Variants in SQOR observed in about 807,000 individuals in gnomAD.
The protein encoded by SQOR is sulfide:quinone oxidoreductase, mitochondrial.
Under a neutral mutation model 48.6 loss-of-function variants are expected in SQOR, and 39 were observed. That is an observed-to-expected ratio of 0.80 (90% CI 0.62 to 1.05). The LOEUF (loss-of-function observed/expected upper bound fraction) is 1.05, where lower values mean the gene tolerates loss of function less well. SQOR is among the 50% of genes least tolerant of loss of function. The pLI is 0.00. For synonymous variants in SQOR, 220 were observed against 206.2 expected (o/e 1.07, Z -0.57); for missense variants, 561 against 559.9 (o/e 1.00, Z -0.02).
At chr15:45,675,367 G>A (rs948445651) in intron 5 of SQOR, among the ~76,000 whole-genome samples, 2 of 151,812 alleles carry the variant, frequency 1.3e-5, no homozygotes, top group East Asian at 3.9e-4. Flanking sequence ...TAGGAACTCA[G>A]GGTTTTGTTG....
Position 45,691,127 on chromosome 15 carries a change from T to C in SQOR, c.*97T>C. ...GCACGAAGGACTTGGAACCTATCCT[T>C]GTAAAGAGTTCCTTGATGGGTAATG... On this transcript the variant is annotated 3_prime_UTR_variant, in exon 10 of 10. Transcript: ENST00000260324. 1 of 1,078,458 alleles carries C rather than the reference T, an allele frequency of 9.3e-7. No individual in the cohort carries two copies. The highest frequency in any genetic ancestry group is 1.3e-5 in the South Asian group (1 of 79,950). The allele number at this position is 1,078,458 out of a possible 1,614,324, so 66.8% of individuals were successfully genotyped here. A position where few individuals can be genotyped will look rare whatever the true frequency, so the allele number is the denominator to read the frequency against.
intron 1 of SQOR, 109 bp from the exon 2 acceptor site, chr15:45,658,798 C>G: frequency 1.2e-6 from 1 of 849,380 alleles, no homozygotes. Flanking sequence ...ATGATGGGGA[C>G]CAGCTGGAGC....
In SQOR at chr15:45,659,153, G is replaced by C; in HGVS notation, c.230G>C (p.Ser77Thr). The change falls in exon 2 of 10, where the codon AGT (serine) becomes ACT (threonine). Residue 77 changes from serine (S) to threonine (T), a missense_variant. Coordinates refer to ENST00000260324, the MANE Select transcript of SQOR (RefSeq NM_021199.4). ...GAGAATGTGGCCATTGTTGAGCCCAGTGAGGTAAGCCTCCCCTTTTGAGGG... is the reference window on the plus strand; with the variant it reads ...GAGAATGTGGCCATTGTTGAGCCCACTGAGGTAAGCCTCCCCTTTTGAGGG... ...GAENVAIVEPSERHFYQPIWT... is the reference protein window; with the variant it reads ...GAENVAIVEPTERHFYQPIWT... 1 of 1,525,890 alleles carries C rather than the reference G, an allele frequency of 6.6e-7. No individual in the cohort carries two copies. Among genetic ancestry groups the C allele is most frequent in the Non-Finnish European group, 8.9e-7 (1 of 1,129,472 alleles). 94.5% of individuals were successfully genotyped at this position (1,525,890 alleles called of 1,614,324 possible).
At chr15:45,635,362 G>C (rs968756172) in intron 1 of SQOR, among the ~76,000 whole-genome samples, 2 of 152,242 alleles carry the variant, frequency 1.3e-5, no homozygotes, top group Non-Finnish European at 2.9e-5. Flanking sequence ...GGGCCGCGGA[G>C]AGGCCAACCC....
In SQOR at chr15:45,669,167, A is replaced by AT. The variant is rs1001025572; in HGVS notation, c.406-752dup. Among the ~76,000 whole-genome samples the AT allele has an allele frequency of 1.2e-4, 17 of 142,126 alleles. No homozygotes were observed. The South Asian group carries it at 2.0e-3, about 17-fold the overall frequency. 93.2% of individuals were successfully genotyped at this position (142,126 alleles called of 152,430 possible). A position where few individuals can be genotyped will look rare whatever the true frequency, so the allele number is the denominator to read the frequency against. ...TATATTTTTTATATATATATTTTTT[A>AT]TTTTTTTTTAATTTTTTTTTGAGAC... On this transcript the variant is annotated intron_variant, in intron 3 of 9. Coordinates refer to ENST00000260324, the MANE Select transcript of SQOR (RefSeq NM_021199.4).
At position 45,659,137 on chromosome 15, in the gene SQOR, G is replaced by GT; in HGVS notation, c.214_215insT (p.Ala72ValfsTer4). 1 of 1,551,598 alleles carries GT rather than the reference G, an allele frequency of 6.4e-7. No individual in the cohort carries two copies. The highest frequency in any genetic ancestry group is 1.2e-5 in the South Asian group (1 of 82,578). ...GAGGAAAGTGGGTGCAGAGAATGTG[G>GT]CCATTGTTGAGCCCAGTGAGGTAAG... is the stretch of plus-strand genomic sequence containing the variant. On this transcript the variant is annotated frameshift_variant, in exon 2 of 10. Coordinates refer to ENST00000260324, the MANE Select transcript of SQOR (RefSeq NM_021199.4). LOFTEE classifies it high-confidence loss of function.
chr15:45,672,402 A>G (rs1392915907), intron 4 of SQOR, among the ~76,000 whole-genome samples: 1 of 152,186 alleles, frequency 6.6e-6, no homozygotes, highest in African/African-American at 2.4e-5. Context: ...GAGACTGCCA[A>G]TGTTACTACT....
In SQOR at chr15:45,689,214, T is replaced by C; in HGVS notation, c.1292T>C (p.Leu431Pro). 5.0e-6 allele frequency: 8 copies of C among 1,613,980 alleles called. No homozygotes were observed. The highest frequency in any genetic ancestry group is 6.8e-6 in the Non-Finnish European group (8 of 1,179,944). Residue 431 changes from leucine to proline, a missense_variant, in exon 9 of 10, where the codon CTA becomes CCA. Coordinates refer to ENST00000260324, the MANE Select transcript of SQOR (RefSeq NM_021199.4). ...CCTTTCCTGTATTGGAATATGATGCTAAGGTAAGTGCACTGCCTGGTTCCT... is the reference window on the plus strand; with the variant it reads ...CCTTTCCTGTATTGGAATATGATGCCAAGGTAAGTGCACTGCCTGGTTCCT... ...LMPFLYWNMM[L>P]RGYWGGPAFL...
Position 45,682,591 on chromosome 15 carries a change from G to A in SQOR, c.978G>A (p.Arg326=), listed in dbSNP as rs758670991. The A allele has an allele frequency of 2.6e-5, 42 of 1,614,102 alleles. 1 individual carries two copies. In the South Asian group the frequency reaches 4.3e-4, roughly 16 times the overall value. ...VDVDKETLQH[R]RYPNVFGIGD... is the part of the protein sequence containing the mutation. ...TGGATAAAGAAACTCTGCAACACAG[G>A]AGGTACCCAAATGTGTTTGGGATTG... The change falls in exon 7 of 10, where the codon AGG becomes AGA. Residue 326 remains arginine, a synonymous_variant. Transcript: ENST00000260324.
chr15:45,685,374 G>A (rs1380193978), intron 7 of SQOR, among the ~76,000 whole-genome samples: 2 of 152,100 alleles, frequency 1.3e-5, no homozygotes, highest in South Asian at 2.1e-4. Flanking sequence ...ACCCTTATGC[G>A]ATTGTGAGCG....
chr15:45,643,386 AG>A (rs1236133784), intron 1 of SQOR, among the ~76,000 whole-genome samples: 1 of 152,106 alleles, frequency 6.6e-6, no homozygotes, highest in Non-Finnish European at 1.5e-5. Flanking sequence ...TAATACAGAT[AG>A]GGTTTCACTG....
At chr15:45,688,915 A>G (rs1890270539) in intron 8 of SQOR, 124 bp from the exon 9 acceptor site, 1 of 785,976 alleles carries the variant, frequency 1.3e-6, no homozygotes, top group Admixed American at 2.6e-5. Context: ...CACAGTACAA[A>G]AAGCTAGAAT....
chr15:45,650,344 C>T (rs1398064091), intron 1 of SQOR, among the ~76,000 whole-genome samples: 3 of 152,154 alleles, frequency 2.0e-5, no homozygotes, highest in Non-Finnish European at 2.9e-5. Context: ...TTAAAGGCGG[C>T]GTGTCCGGAG....
upstream of SQOR, among the ~76,000 whole-genome samples, chr15:45,634,197 A>AATATATATATATATATATAT (rs1770075978): frequency 5.0e-5 from 1 of 19,828 alleles, no homozygotes; most frequent in Non-Finnish European, 8.8e-5. Flanking sequence ...AACAACAACA[A>AATATATATATATATATATAT]CTATATATAT....
intron 1 of SQOR, among the ~76,000 whole-genome samples, chr15:45,649,168 A>G (rs377759985): frequency 2.6e-5 from 4 of 152,260 alleles, no homozygotes; most frequent in African/African-American, 9.6e-5. Flanking sequence ...CTTGTCCAGG[A>G]AGGGCTGTAG....
chr15:45,675,267 C>T (rs2140957096), intron 5 of SQOR, among the ~76,000 whole-genome samples: 1 of 152,240 alleles, frequency 6.6e-6, no homozygotes, highest in South Asian at 2.1e-4. Flanking sequence ...GTTCGAGTAC[C>T]ATAAGATCTT....
intron 7 of SQOR, 32 bp downstream of exon 7, chr15:45,682,693 C>T (rs1223414848): frequency 2.5e-6 from 4 of 1,606,972 alleles, no homozygotes; most frequent in Non-Finnish European, 2.6e-6. Flanking sequence ...CTCCCTTTCT[C>T]AAAAATATGT....
chr15:45,639,566 G>A (rs1334477293), intron 1 of SQOR, among the ~76,000 whole-genome samples: 1 of 152,220 alleles, frequency 6.6e-6, no homozygotes, highest in African/African-American at 2.4e-5. Context: ...ACTTCTGGGA[G>A]GGAGGGCTGC....
At position 45,691,046 on chromosome 15, in the gene SQOR, T is replaced by C. The variant is rs748443555; in HGVS notation, c.*16T>C. ...TATGAGTTAAGGATGGCTCAGCACTTGCTCATCTTGGATGGCTTCTGGGCC... is the reference window on the plus strand; with the variant it reads ...TATGAGTTAAGGATGGCTCAGCACTCGCTCATCTTGGATGGCTTCTGGGCC... On this transcript the variant is annotated 3_prime_UTR_variant, in exon 10 of 10. Transcript: ENST00000260324. 6.2e-7 allele frequency: 1 copy of C among 1,613,172 alleles called. No homozygotes were observed. Among genetic ancestry groups the C allele is most frequent in the Non-Finnish European group, 8.5e-7 (1 of 1,179,218 alleles).
Sources: gnomAD v4.1 joint callset for allele counts (sites outside exome capture counted in the v4.1 genomes callset) on GRCh38, gnomAD v4.1.1 for gene constraint, MANE v1.5 for transcripts, NCBI Gene and HGNC (gene_info 2026-07-23, HGNC 2026-07-21) for gene names.